The following ZNF804A variants were observed in gnomAD, a reference collection of about 807,000 sequenced individuals.
The protein encoded by ZNF804A is zinc finger protein 804A.
ZNF804A carries 2 observed loss-of-function variants against 16.5 expected under a neutral mutation model. That is an observed-to-expected ratio of 0.12 (90% CI 0.05 to 0.38). The LOEUF is 0.38. ZNF804A is among the 10% of genes least tolerant of loss of function. The probability of loss-of-function intolerance (pLI) is 0.99; values close to 1 mark genes in which losing one functional copy is unlikely to be tolerated. For synonymous variants in ZNF804A, 534 were observed against 489.6 expected, an observed-to-expected ratio of 1.09 and a Z score of -1.20; for missense variants, 1,473 against 1,390.7, an observed-to-expected ratio of 1.06 and a Z score of -0.94.
chr2:184,751,325 A>G (rs1039895467), intron 1 of ZNF804A, among the ~76,000 whole-genome samples: 2 of 151,474 alleles, frequency 1.3e-5, no homozygotes, highest in Admixed American at 1.3e-4. Context: ...ATCCACATGC[A>G]AAAAACTTAA....
chr2:184,867,309 C>T (rs1381466126), intron 2 of ZNF804A, among the ~76,000 whole-genome samples: 1 of 152,078 alleles, frequency 6.6e-6, no homozygotes, highest in Admixed American at 6.6e-5. Context: ...TTTTAGCTAT[C>T]ACCCTCAAAT....
chr2:184,647,641 T>C (rs913450389), intron 1 of ZNF804A, among the ~76,000 whole-genome samples: 1 of 152,170 alleles, frequency 6.6e-6, no homozygotes, highest in African/African-American at 2.4e-5. Flanking sequence ...GAAGATAGAA[T>C]GTCAAAGCAT....
At chr2:184,758,284 T>C (rs1693988059) in intron 1 of ZNF804A, among the ~76,000 whole-genome samples, 1 of 151,952 alleles carries the variant, frequency 6.6e-6, no homozygotes, top group Admixed American at 6.6e-5. Flanking sequence ...AATATAAAAA[T>C]GTTCTGATGA....
intron 1 of ZNF804A, among the ~76,000 whole-genome samples, chr2:184,743,381 G>T (rs1278831048): frequency 6.6e-6 from 1 of 151,840 alleles, no homozygotes; most frequent in East Asian, 1.9e-4. Context: ...ACTTTATATT[G>T]TTCATAGTTG....
At chr2:184,737,458 T>C (rs2105750974) in intron 1 of ZNF804A, among the ~76,000 whole-genome samples, 1 of 152,308 alleles carries the variant, frequency 6.6e-6, no homozygotes, top group South Asian at 2.1e-4. Flanking sequence ...ATGCATTTTC[T>C]TCTGTAATAC....
chr2:184,648,504 C>G (rs1691920142), intron 1 of ZNF804A, among the ~76,000 whole-genome samples: 1 of 151,990 alleles, frequency 6.6e-6, no homozygotes, highest in Non-Finnish European at 1.5e-5. Flanking sequence ...AACAAACAAA[C>G]TAAAAAACAA....
Position 184,783,250 on chromosome 2 carries a change from A to T in ZNF804A, c.112-83119A>T, listed in dbSNP as rs1474725577. 3.3e-5 allele frequency among the ~76,000 whole-genome samples: 5 copies of T among 149,732 alleles called. 1 individual carries two copies. Among genetic ancestry groups the T allele is most frequent in the African/African-American group, 7.3e-5 (3 of 40,866 alleles). ...TGATAGGATACAGCGGGTAGGCAAC[A>T]GTATCTGGCCCAAAATTTAGAGTGA... On this transcript the variant is annotated intron_variant, in intron 1 of 3. Transcript: ENST00000302277.
chr2:184,729,843 T>C (rs1693483873), intron 1 of ZNF804A, among the ~76,000 whole-genome samples: 1 of 152,102 alleles, frequency 6.6e-6, no homozygotes, highest in Non-Finnish European at 1.5e-5. Context: ...ACTGAACTAT[T>C]CAAAAGCAAA....
In ZNF804A at chr2:184,821,651, G is replaced by T. The variant is rs1391346900; in HGVS notation, c.112-44718G>T. Among the ~76,000 whole-genome samples the T allele has an allele frequency of 3.9e-5, 6 of 152,008 alleles. No individual in the cohort carries two copies. The East Asian group carries it at 1.2e-3, about 29-fold the overall frequency. On this transcript the variant is annotated intron_variant, in intron 1 of 3. Coordinates refer to ENST00000302277, the MANE Select transcript of ZNF804A (RefSeq NM_194250.2). ...AACCTACATAATTAGAGACACTTTT[G>T]CAATCTATCCATCTGATAAAAGTCT... is the stretch of plus-strand genomic sequence containing the variant.
chr2:184,684,186 G>A (rs1489347983), intron 1 of ZNF804A, among the ~76,000 whole-genome samples: 1 of 152,080 alleles, frequency 6.6e-6, no homozygotes, highest in Admixed American at 6.6e-5. Flanking sequence ...AGTTTGTACT[G>A]GATACTTTTA....
At chr2:184,930,802 G>A (rs1261667820) in intron 2 of ZNF804A, among the ~76,000 whole-genome samples, 1 of 152,168 alleles carries the variant, frequency 6.6e-6, no homozygotes, top group East Asian at 1.9e-4. Flanking sequence ...GTACACATAA[G>A]TGCATATGTA....
At chr2:184,908,273 G>T (rs900922775) in intron 2 of ZNF804A, among the ~76,000 whole-genome samples, 4 of 152,040 alleles carry the variant, frequency 2.6e-5, no homozygotes, top group Admixed American at 1.3e-4. Flanking sequence ...CATTTTAAAA[G>T]CCAGAAGCAG....
intron 1 of ZNF804A, among the ~76,000 whole-genome samples, chr2:184,855,601 C>CAT (rs3992047): frequency 0.23 from 34,106 of 147,052 alleles, 4,075 homozygotes; most frequent in Admixed American, 0.33. Context: ...TACACATACA[C>CAT]ATATATATAT....
intron 2 of ZNF804A, among the ~76,000 whole-genome samples, chr2:184,912,917 A>G (rs1685385291): frequency 6.6e-6 from 1 of 152,048 alleles, no homozygotes; most frequent in Non-Finnish European, 1.5e-5. Context: ...TTTGATGCAC[A>G]CAATTGTTTA....
intron 1 of ZNF804A, among the ~76,000 whole-genome samples, chr2:184,710,754 C>T (rs920551659): frequency 2.6e-5 from 4 of 151,752 alleles, no homozygotes; most frequent in Non-Finnish European, 5.9e-5. Flanking sequence ...TAAATGAAAT[C>T]ATGCAGTATT....
At chr2:184,641,528 T>A (rs1482699506) in intron 1 of ZNF804A, among the ~76,000 whole-genome samples, 1 of 152,202 alleles carries the variant, frequency 6.6e-6, no homozygotes, top group Non-Finnish European at 1.5e-5. Flanking sequence ...AATGTATGCT[T>A]AAAATGATTA....
chr2:184,762,854 T>C (rs531468762), intron 1 of ZNF804A, among the ~76,000 whole-genome samples: 1 of 152,206 alleles, frequency 6.6e-6, no homozygotes, highest in African/African-American at 2.4e-5. Flanking sequence ...CAAATAAACA[T>C]TTAAAAGAGA....
intron 2 of ZNF804A, among the ~76,000 whole-genome samples, chr2:184,911,052 C>T (rs908142814): frequency 6.6e-6 from 1 of 151,896 alleles, no homozygotes; most frequent in African/African-American, 2.4e-5. Context: ...TCTTTCCCAA[C>T]ATCAATGTCC....
intron 1 of ZNF804A, among the ~76,000 whole-genome samples, chr2:184,642,368 G>C (rs1691808023): frequency 6.6e-6 from 1 of 151,670 alleles, no homozygotes; most frequent in Non-Finnish European, 1.5e-5. Context: ...CATTTTCTTT[G>C]CTTTCCTTTC....
Sources: gnomAD v4.1 joint callset for allele counts (sites outside exome capture counted in the v4.1 genomes callset) on GRCh38, gnomAD v4.1.1 for gene constraint, MANE v1.5 for transcripts, NCBI Gene and HGNC (gene_info 2026-07-23, HGNC 2026-07-21) for gene names.